Variants in ZAN observed in about 807,000 individuals in gnomAD.
ZAN encodes zonadhesin.
ZAN carries 260 observed loss-of-function variants against 286.2 expected under a neutral mutation model. The observed-to-expected ratio is 0.91, with a 90% CI of 0.82 to 1.01. The LOEUF (loss-of-function observed/expected upper bound fraction) is 1.01, where lower values mean the gene tolerates loss of function less well. Ranked by LOEUF, ZAN falls within the 50% of genes least tolerant of loss-of-function variation. ZAN has a pLI of 0.00. For synonymous variants in ZAN, 1,368 were observed against 1,417.5 expected, an observed-to-expected ratio of 0.97 and a Z score of 0.79; for missense variants, 3,410 against 3,639.2, an observed-to-expected ratio of 0.94 and a Z score of 1.62.
chr7:100,744,077 T>C (rs1808008590), intron 7 of ZAN, among the ~76,000 whole-genome samples: 1 of 149,646 alleles, frequency 6.7e-6, no homozygotes, highest in South Asian at 2.1e-4. Context: ...TTTCCTCCCT[T>C]CCACTTTACC....
intron 4 of ZAN, 32 bp downstream of exon 4, chr7:100,736,661 G>C (rs1807316815): frequency 1.3e-6 from 2 of 1,517,278 alleles, no homozygotes; most frequent in Admixed American, 1.7e-5. Context: ...GGGACCATGA[G>C]CAGGGAGGTG....
At chr7:100,788,158 G>T in intron 38 of ZAN, 22 bp downstream of exon 38, 1 of 1,458,948 alleles carries the variant, frequency 6.9e-7, no homozygotes, top group South Asian at 1.5e-5. Flanking sequence ...GCCAGGGCCT[G>T]GTGGGTGTGG....
At chr7:100,787,858 G>T in intron 37 of ZAN, 31 bp from the exon 38 acceptor site, 1 of 1,472,616 alleles carries the variant, frequency 6.8e-7, no homozygotes, top group Non-Finnish European at 9.2e-7. Flanking sequence ...CACTGCGCCC[G>T]GCCCCTTCTC....
Position 100,751,737 on chromosome 7 carries a change from C to T in ZAN, c.1632C>T (p.Pro544=), listed in dbSNP as rs1382933609. ...TAAAAGTGCTACCAGAGCTTCCTCC[C>T]GTATCTCCAGTTTCTTCCACTGGCC... ...CPVKVLPELP[P]VSPVSSTGPS... Residue 544 remains proline, a synonymous_variant, in exon 14 of 48, where the codon CCC becomes CCT. Coordinates refer to ENST00000613979, the MANE Select transcript of ZAN (RefSeq NM_003386.3). 6.3e-6 allele frequency: 10 copies of T among 1,587,820 alleles called. No individual in the cohort carries two copies. The highest frequency in any genetic ancestry group is 2.2e-5 in the East Asian group (1 of 44,760).
intron 37 of ZAN, among the ~76,000 whole-genome samples, chr7:100,787,553 C>T (rs759094506): frequency 1.3e-5 from 2 of 151,422 alleles, no homozygotes; most frequent in African/African-American, 2.4e-5. Flanking sequence ...CCTTCTCAGT[C>T]TTTTGTTTTG....
chr7:100,784,636 T>C lies in ZAN; in HGVS notation c.6636T>C (p.Pro2212=), dbSNP rs368976171. ...RNSSFCPLEC[P]AYSSYTNCLP... ...CTTCACCCACAGCTCTGGAATGCCC[T>C]GCCTACAGCAGCTACACCAACTGCC... Residue 2212 remains proline (P), a synonymous_variant, in exon 36 of 48, where the codon CCT becomes CCC. Coordinates refer to ENST00000613979, the MANE Select transcript of ZAN (RefSeq NM_003386.3). 8 of 1,613,890 alleles carry C rather than the reference T, an allele frequency of 5.0e-6. No individual in the cohort carries two copies. Among genetic ancestry groups the C allele is most frequent in the Non-Finnish European group, 6.8e-6 (8 of 1,179,880 alleles).
Position 100,794,013 on chromosome 7 carries a change from T to C in ZAN, c.7981T>C (p.Tyr2661His), listed in dbSNP as rs1465050199. The C allele has an allele frequency of 6.2e-7, 1 of 1,613,150 alleles. No individual in the cohort carries two copies. The highest frequency in any genetic ancestry group is 1.7e-5 in the Admixed American group (1 of 59,822). ...DCGCTSNGIYYQLGSSFLTED... is the reference protein window; with the variant it reads ...DCGCTSNGIYHQLGSSFLTED... ...TGGCTGCACCAGCAATGGCATCTACTACCAGGTCTGAGCTGGCAGCAGGAG... is the reference window on the plus strand; with the variant it reads ...TGGCTGCACCAGCAATGGCATCTACCACCAGGTCTGAGCTGGCAGCAGGAG... The change falls in exon 43 of 48, where the codon TAC becomes CAC. Residue 2661 changes from tyrosine to histidine, a missense_variant. This residue lies in a region of ZAN where 1,289 missense variants were observed against 1,314.3 expected (regional missense o/e 0.98). Coordinates refer to ENST00000613979, the MANE Select transcript of ZAN (RefSeq NM_003386.3).
At chr7:100,780,929 C>CA (rs1562950580) in intron 35 of ZAN, among the ~76,000 whole-genome samples, 1 of 151,630 alleles carries the variant, frequency 6.6e-6, no homozygotes, top group South Asian at 2.1e-4. Context: ...CGCATCGCTA[C>CA]AAAAAAATTA....
chr7:100,774,003 G>A, intron 31 of ZAN, 138 bp downstream of exon 31: 1 of 1,305,492 alleles, frequency 7.7e-7, no homozygotes, highest in South Asian at 1.5e-5. Flanking sequence ...AGCTTCTGGT[G>A]GGTAAGATGA....
rs752732057 is a variant in ZAN, at chr7:100,767,811, C to T, written c.4861-20C>T. The T allele has an allele frequency of 2.0e-5, 32 of 1,603,296 alleles. No homozygotes were observed. Among genetic ancestry groups the T allele is most frequent in the East Asian group, 6.7e-5 (3 of 44,740 alleles). On this transcript the variant is annotated intron_variant, in intron 25 of 47. Coordinates refer to ENST00000613979, the MANE Select transcript of ZAN (RefSeq NM_003386.3). Reference sequence around the variant, plus strand: ...AGTTCTTTCCTGACTCTCCTTTCTACGTCCTCCCTGCCTCTGCAGCTGAAT... The same window carrying T: ...AGTTCTTTCCTGACTCTCCTTTCTATGTCCTCCCTGCCTCTGCAGCTGAAT...
Position 100,789,347 on chromosome 7 carries a change from G to C in ZAN, c.7357G>C (p.Val2453Leu). ...CAGCTTTGGTGGAAGGAAAAATGCA[G>C]GTAATGGAGAGAGGGGAAAGAAGAG... Reference protein sequence around the residue: ...VVSFGGRKNAVISLPSMYEGL... With the variant: ...VVSFGGRKNALISLPSMYEGL... Residue 2453 changes from valine to leucine, a missense_variant and splice_region_variant, in exon 39 of 48, where the codon GTG (valine) becomes CTG (leucine). Val to Leu is a conservative substitution (Grantham distance 32). This residue lies in a region of ZAN where 1,289 missense variants were observed against 1,314.3 expected (regional missense o/e 0.98). Transcript: ENST00000613979. 6.2e-7 allele frequency: 1 copy of C among 1,613,116 alleles called. No individual in the cohort carries two copies.
rs375213178 is a variant in ZAN at position 100,740,293 on chromosome 7, A to ATT, written c.766+1692_766+1693dup. 6.4e-4 allele frequency among the ~76,000 whole-genome samples: 77 copies of ATT among 119,440 alleles called. 12 individuals are homozygous for ATT. The highest frequency in any genetic ancestry group is 1.1e-3 in the Non-Finnish European group (63 of 56,858). The allele number at this position is 119,440 out of a possible 152,430, so 78.4% of individuals were successfully genotyped here. ...AGCAGTGACTTGATCTGACTTATTT[A>ATT]TTTTTTTTTTTTTAATTTATTTTTT... On this transcript the variant is annotated intron_variant, in intron 7 of 47. Coordinates refer to ENST00000613979, the MANE Select transcript of ZAN (RefSeq NM_003386.3).
chr7:100,778,504 A>G (rs1318440578), intron 34 of ZAN, among the ~76,000 whole-genome samples: 2 of 152,080 alleles, frequency 1.3e-5, no homozygotes, highest in Admixed American at 6.6e-5. Context: ...GCTACTCACA[A>G]GGCTGAGGTG....
At chr7:100,744,491 G>C (rs559757679) in intron 7 of ZAN, among the ~76,000 whole-genome samples, 2 of 151,038 alleles carry the variant, frequency 1.3e-5, no homozygotes, top group African/African-American at 4.9e-5. Context: ...CCCAACACTC[G>C]GGAGGCTGAG....
chr7:100,779,117 C>T (rs1212761882), intron 34 of ZAN, among the ~76,000 whole-genome samples: 3 of 151,418 alleles, frequency 2.0e-5, no homozygotes, highest in Non-Finnish European at 4.4e-5. Context: ...GCAGGAGAAT[C>T]GCTTGAACCC....
intron 18 of ZAN, among the ~76,000 whole-genome samples, chr7:100,760,169 G>A (rs1426052043): frequency 2.6e-5 from 4 of 152,072 alleles, no homozygotes; most frequent in African/African-American, 9.7e-5. Flanking sequence ...AGCTGTGATT[G>A]CACCATTGCA....
intron 35 of ZAN, 62 bp downstream of exon 35, chr7:100,779,812 T>C (rs1584617161): frequency 4.1e-6 from 6 of 1,454,178 alleles, no homozygotes; most frequent in East Asian, 5.0e-5. Flanking sequence ...TCTGCTTCCC[T>C]GAGAGCTCCC....
intron 14 of ZAN, among the ~76,000 whole-genome samples, chr7:100,754,838 C>T (rs76322232): frequency 0.063 from 9,633 of 151,940 alleles, 917 homozygotes; most frequent in African/African-American, 0.21. Context: ...TCTAGGGTTT[C>T]GCCCTGTTAG....
chr7:100,788,768 G>A (rs1283495036), intron 38 of ZAN, among the ~76,000 whole-genome samples: 1 of 151,926 alleles, frequency 6.6e-6, no homozygotes, highest in Non-Finnish European at 1.5e-5. Context: ...GCACCATCTA[G>A]GCTCACTGCA....
Sources: gnomAD v4.1 joint callset for allele counts (sites outside exome capture counted in the v4.1 genomes callset) on GRCh38, gnomAD v4.1.1 for gene constraint, gnomAD v4.1.1 regional missense constraint, MANE v1.5 for transcripts, NCBI Gene and HGNC (gene_info 2026-07-23, HGNC 2026-07-21) for gene names.